CADPS2: variants seen among roughly 807,000 people sequenced by gnomAD.
The protein encoded by CADPS2 is calcium-dependent secretion activator 2.
CADPS2 carries 93 observed loss-of-function variants against 172.5 expected under a neutral mutation model. The observed-to-expected ratio is 0.54, with a 90% CI of 0.46 to 0.64. CADPS2 has a LOEUF of 0.64. Ranked by LOEUF, CADPS2 falls within the 30% of genes least tolerant of loss-of-function variation. The probability of loss-of-function intolerance (pLI) is 0.00; values close to 1 mark genes in which losing one functional copy is unlikely to be tolerated. For missense variants in CADPS2, 1,420 were observed against 1,565.9 expected, an observed-to-expected ratio of 0.91 and a Z score of 1.57; for synonymous variants, 546 against 555.2, an observed-to-expected ratio of 0.98 and a Z score of 0.23.
intron 9 of CADPS2, among the ~76,000 whole-genome samples, chr7:122,507,271 G>A (rs1055587155): frequency 3.9e-5 from 6 of 152,010 alleles, no homozygotes; most frequent in African/African-American, 1.4e-4. Flanking sequence ...GCCATGCATG[G>A]GGAAAATAAA....
chr7:122,559,103 G>A lies in CADPS2; in HGVS notation c.1336-4414C>T, dbSNP rs571228903. On this transcript the variant is annotated intron_variant, in intron 7 of 29. Coordinates refer to ENST00000449022, the MANE Select transcript of CADPS2 (RefSeq NM_017954.11). ...TGGTACAATTCTAGCTCAAAGATGA[G>A]TGCATTCAGCAATTCTTGAAAAAAT... is the stretch of plus-strand genomic sequence containing the variant. 7.6e-4 allele frequency among the ~76,000 whole-genome samples: 116 copies of A among 152,238 alleles called. 1 individual carries two copies. Among genetic ancestry groups the A allele is most frequent in the East Asian group, 1.9e-4 (1 of 5,170 alleles).
At chr7:122,727,330 C>A (rs565252641) in intron 2 of CADPS2, among the ~76,000 whole-genome samples, 1 of 151,818 alleles carries the variant, frequency 6.6e-6, no homozygotes, top group Non-Finnish European at 1.5e-5. Flanking sequence ...AAATGCTACA[C>A]TGAAGTAAAT....
rs982864933 is a variant in CADPS2, at chr7:122,448,183, A to G, written c.2288+3191T>C. Among the ~76,000 whole-genome samples the G allele has an allele frequency of 3.9e-5, 6 of 152,208 alleles. No homozygotes were observed. In the East Asian group the frequency reaches 1.2e-3, roughly 29 times the overall value. On this transcript the variant is annotated intron_variant, in intron 15 of 29. Transcript: ENST00000449022. ...TTTGTAGAATAAATCAATGTTGAGA[A>G]GTCATTCTAACTCATTGTATAAAAT...
At chr7:122,625,387 G>A (rs2075992752) in intron 4 of CADPS2, among the ~76,000 whole-genome samples, 2 of 152,144 alleles carry the variant, frequency 1.3e-5, no homozygotes, top group Admixed American at 6.5e-5. Context: ...AGGCTATGGT[G>A]CCCAGTTGTT....
intron 1 of CADPS2, among the ~76,000 whole-genome samples, chr7:122,846,368 C>A (rs192844411): frequency 6.6e-6 from 1 of 152,106 alleles, no homozygotes; most frequent in Admixed American, 6.5e-5. Context: ...AAATACTTTA[C>A]AAATTTTGCA....
At chr7:122,708,641 T>A (rs1215063044) in intron 2 of CADPS2, among the ~76,000 whole-genome samples, 1 of 149,912 alleles carries the variant, frequency 6.7e-6, no homozygotes, top group Non-Finnish European at 1.5e-5. Context: ...TAAATGAGCA[T>A]TTGGAATATG....
intron 2 of CADPS2, among the ~76,000 whole-genome samples, chr7:122,671,303 G>A (rs2081822890): frequency 6.6e-6 from 1 of 152,186 alleles, no homozygotes; most frequent in South Asian, 2.1e-4. Context: ...TCCACTGGAT[G>A]AGTGAATGAG....
intron 27 of CADPS2, among the ~76,000 whole-genome samples, chr7:122,358,504 G>T (rs1194792089): frequency 6.6e-6 from 1 of 151,818 alleles, no homozygotes; most frequent in Non-Finnish European, 1.5e-5. Context: ...ATTATGTGGG[G>T]TTGTATCTAA....
chr7:122,732,604 G>T (rs2091755292), intron 2 of CADPS2, among the ~76,000 whole-genome samples: 1 of 145,310 alleles, frequency 6.9e-6, no homozygotes, highest in African/African-American at 2.5e-5. Flanking sequence ...GATCTTTTTG[G>T]GTATTTCTAT....
chr7:122,386,318 T>A, intron 24 of CADPS2: 1 of 1,425,960 alleles, frequency 7.0e-7, no homozygotes, highest in Non-Finnish European at 9.3e-7. Flanking sequence ...AACTGGATCA[T>A]GCCATGGGTG....
rs869264598 is a variant in CADPS2, at chr7:122,705,545, TTATA to T, written c.453+31406_453+31409del. Among the ~76,000 whole-genome samples the T allele has an allele frequency of 2.5e-5, 3 of 120,168 alleles. 1 individual carries two copies. Among genetic ancestry groups the T allele is most frequent in the Non-Finnish European group, 4.8e-5 (3 of 62,244 alleles). The allele number at this position is 120,168 out of a possible 152,430, so 78.8% of individuals were successfully genotyped here. The stretch of plus-strand genomic sequence containing the variant: ...TATTGTGTATTATCTATATTATATA[TTATA>T]TATATTTATATTATATATTATCTAT... On this transcript the variant is annotated intron_variant, in intron 2 of 29. Transcript: ENST00000449022.
Position 122,553,447 on chromosome 7 carries a change from A to G in CADPS2, c.1475+1103T>C, listed in dbSNP as rs967868433. Among the ~76,000 whole-genome samples, 4 of 152,062 alleles carry G rather than the reference A, an allele frequency of 2.6e-5. No individual in the cohort carries two copies. In the East Asian group the frequency reaches 7.7e-4, roughly 29 times the overall value. ...AAGATGCATAATGTTGTTTATCCAA[A>G]TCATGGTTCCATTTCTAAGAGCCCA... On this transcript the variant is annotated intron_variant, in intron 8 of 29. Coordinates refer to ENST00000449022, the MANE Select transcript of CADPS2 (RefSeq NM_017954.11).
chr7:122,881,389 G>C (rs759239443), intron 1 of CADPS2, among the ~76,000 whole-genome samples: 1 of 152,128 alleles, frequency 6.6e-6, no homozygotes, highest in Admixed American at 6.6e-5. Context: ...GTGGTCTCAG[G>C]ATACCCTGTG....
chr7:122,547,170 A>T (rs930148289), intron 8 of CADPS2, among the ~76,000 whole-genome samples: 4 of 152,086 alleles, frequency 2.6e-5, no homozygotes, highest in Non-Finnish European at 5.9e-5. Context: ...CTCTACCCAC[A>T]AGAAATGTTG....
At chr7:122,478,674 A>C (rs1044627614) in intron 12 of CADPS2, among the ~76,000 whole-genome samples, 1 of 152,184 alleles carries the variant, frequency 6.6e-6, no homozygotes, top group Non-Finnish European at 1.5e-5. Context: ...TAAATAGGTA[A>C]TACAGACTTG....
intron 9 of CADPS2, among the ~76,000 whole-genome samples, chr7:122,492,065 T>G (rs114586543): frequency 0.03 from 4,603 of 151,982 alleles, 202 homozygotes; most frequent in African/African-American, 0.11. Flanking sequence ...CCAGCAACTC[T>G]GGAGGCTGAG....
At chr7:122,489,780 T>G (rs2058127908) in intron 11 of CADPS2, among the ~76,000 whole-genome samples, 1 of 152,112 alleles carries the variant, frequency 6.6e-6, no homozygotes, top group African/African-American at 2.4e-5. Flanking sequence ...AAGTCAAAAA[T>G]CACAATAAAC....
At chr7:122,672,198 T>C (rs753939278) in intron 2 of CADPS2, among the ~76,000 whole-genome samples, 2 of 152,248 alleles carry the variant, frequency 1.3e-5, no homozygotes, top group Non-Finnish European at 2.9e-5. Flanking sequence ...TTACTCTCAC[T>C]AAATATAAAA....
In CADPS2 at chr7:122,585,405, A is replaced by G. The variant is rs1048311280; in HGVS notation, c.1224-4115T>C. On this transcript the variant is annotated intron_variant, in intron 6 of 29. Coordinates refer to ENST00000449022, the MANE Select transcript of CADPS2 (RefSeq NM_017954.11). ...AAAAGACACAGTTAGAAAAATCATA[A>G]ATTCTAGAATGAATAAATTAAAAAC... 14 of 151,536 alleles carry G rather than the reference A, an allele frequency of 9.2e-5. No homozygotes were observed. The Middle Eastern group carries it at 0.01, about 111-fold the overall frequency. 9.4% of individuals were successfully genotyped at this position (151,536 alleles called of 1,614,324 possible). A position where few individuals can be genotyped will look rare whatever the true frequency, so the allele number is the denominator to read the frequency against.
Sources: gnomAD v4.1 joint callset for allele counts (sites outside exome capture counted in the v4.1 genomes callset) on GRCh38, gnomAD v4.1.1 for gene constraint, MANE v1.5 for transcripts, NCBI Gene and HGNC (gene_info 2026-07-23, HGNC 2026-07-21) for gene names.